The following RYR1 variants were observed in gnomAD, a reference collection of about 807,000 sequenced individuals.
The protein encoded by RYR1 is ryanodine receptor 1, also known as central core disease of muscle.
In RYR1, 342 loss-of-function variants were observed where a neutral mutation model predicts 583.5. That is an observed-to-expected ratio of 0.59 (90% CI 0.54 to 0.64). The LOEUF (loss-of-function observed/expected upper bound fraction) is 0.64. Ranked by LOEUF, RYR1 falls within the 30% of genes least tolerant of loss-of-function variation. The pLI is 0.00. For synonymous variants in RYR1, 2,791 were observed against 2,822.5 expected (o/e 0.99, Z 0.35); for missense variants, 6,032 against 6,917.2 (o/e 0.87, Z 4.54).
chr19:38,447,044 A>C (rs549918753), intron 9 of RYR1, among the ~76,000 whole-genome samples: 1 of 151,894 alleles, frequency 6.6e-6, no homozygotes, highest in Admixed American at 6.6e-5. Context: ...TCTCTGCAAA[A>C]AAAATAAAAT....
chr19:38,528,674 C>T lies in RYR1; in HGVS notation c.11013C>T (p.Asp3671=). The change falls in exon 75 of 106, where the codon GAC becomes GAT. Residue 3671 remains aspartate (D), a synonymous_variant. Transcript: ENST00000359596. ...TGACTGAAGACCACAGTTTTGAGGACCGCATGATAGATGACCTTTCAGTGA... is the reference window on the plus strand; with the variant it reads ...TGACTGAAGACCACAGTTTTGAGGATCGCATGATAGATGACCTTTCAGTGA... ...WILTEDHSFE[D]RMIDDLSKAG... 2 of 1,614,148 alleles carry T rather than the reference C, an allele frequency of 1.2e-6. No individual in the cohort carries two copies. The highest frequency in any genetic ancestry group is 1.6e-4 in the Middle Eastern group (1 of 6,062).
At chr19:38,576,799 CAAAA>C (rs113312442) in intron 97 of RYR1, among the ~76,000 whole-genome samples, 1 of 151,800 alleles carries the variant, frequency 6.6e-6, no homozygotes, top group East Asian at 1.9e-4. Context: ...GACTCCGTCT[CAAAA>C]AAAGAGAGAA....
At chr19:38,581,863 C>T (rs560856959) in intron 101 of RYR1, among the ~76,000 whole-genome samples, 214 of 152,224 alleles carry the variant, frequency 1.4e-3, no homozygotes, top group African/African-American at 5.0e-3. Context: ...CCACCTCGGC[C>T]TCCCAAAGTG....
chr19:38,550,761 T>C (rs1210141239), intron 89 of RYR1, among the ~76,000 whole-genome samples: 2 of 152,146 alleles, frequency 1.3e-5, no homozygotes, highest in Non-Finnish European at 2.9e-5. Context: ...GTTACTGTTA[T>C]TCCCTTTGGA....
intron 94 of RYR1, among the ~76,000 whole-genome samples, chr19:38,571,670 AG>A (rs1455513892): frequency 1.3e-5 from 2 of 152,138 alleles, no homozygotes; most frequent in African/African-American, 4.8e-5. Context: ...AGTGTGTGTA[AG>A]GCAGTTAGAG....
At position 38,527,742 on chromosome 19, in the gene RYR1, C is replaced by T. The variant is rs1971533297; in HGVS notation, c.10782C>T (p.Arg3594=). ...CCGATGACCCCGAGAAAATCGTGCG[C>T]AGAGTCCAGGAAGTGTCAGCCGTGC... is the stretch of plus-strand genomic sequence containing the variant. The part of the protein sequence containing the change: ...EDADDPEKIV[R]RVQEVSAVLY... Residue 3594 remains arginine (R), a synonymous_variant, in exon 73 of 106, where the codon CGC becomes CGT. Transcript: ENST00000359596. 1 of 1,614,010 alleles carries T rather than the reference C, an allele frequency of 6.2e-7. No homozygotes were observed. Among genetic ancestry groups the T allele is most frequent in the Non-Finnish European group, 8.5e-7 (1 of 1,180,012 alleles).
chr19:38,536,800 G>A (rs1236079760), intron 83 of RYR1, 33 bp downstream of exon 83: 1 of 1,611,876 alleles, frequency 6.2e-7, no homozygotes, highest in East Asian at 2.2e-5. Context: ...GTGCTGTGCT[G>A]CTGTCACCCA....
In RYR1 at chr19:38,485,797, C is replaced by T. The variant is rs566584680; in HGVS notation, c.5142C>T (p.Leu1714=). 6.2e-7 allele frequency: 1 copy of T among 1,613,428 alleles called. No homozygotes were observed. The highest frequency in any genetic ancestry group is 2.2e-5 in the East Asian group (1 of 44,874). Residue 1714 remains leucine (L), a synonymous_variant, in exon 34 of 106, where the codon CTC becomes CTT. Transcript: ENST00000359596. ...TGCGCGCAGGCTACTATGACCTCCT[C>T]ATCAGCATCCACCTCGAAAGTGCCT... The part of the protein sequence containing the change: ...GPLRAGYYDL[L]ISIHLESACR...
rs1381548583 is a variant in RYR1, at chr19:38,561,357, A to T, written c.12527A>T (p.Tyr4176Phe). ...AGCATCCTTGAGTACTTCCGCCCCT[A>T]CCTGGGCCGCATCGAGATCATGGGC... ...AESILEYFRP[Y>F]LGRIEIMGAS... Residue 4176 changes from tyrosine to phenylalanine, a missense_variant, in exon 90 of 106, where the codon TAC (tyrosine) becomes TTC (phenylalanine). Around this residue, in one of 11 missense-constraint regions of RYR1, gnomAD observed 753 missense variants for 759.6 expected, o/e 0.99. Transcript: ENST00000359596. The surrounding 1 kb of genome is among the most constrained non-coding windows in gnomAD (Gnocchi z 4.8). 1 of 1,613,738 alleles carries T rather than the reference A, an allele frequency of 6.2e-7. No individual in the cohort carries two copies. Among genetic ancestry groups the T allele is most frequent in the Admixed American group, 1.7e-5 (1 of 59,996 alleles).
intron 66 of RYR1, 76 bp from the exon 67 acceptor site, chr19:38,519,138 G>C (rs1173873255): frequency 3.7e-6 from 6 of 1,610,958 alleles, no homozygotes; most frequent in Non-Finnish European, 5.1e-6. Flanking sequence ...TGCTGTTTGG[G>C]AGTCGGGCTG....
chr19:38,465,946 TA>T, intron 23 of RYR1, 144 bp from the exon 24 acceptor site: 1 of 831,698 alleles, frequency 1.2e-6, no homozygotes, highest in Non-Finnish European at 1.9e-6. Context: ...AAACTTATTC[TA>T]AAATTTCATA....
intron 2 of RYR1, 133 bp downstream of exon 2, chr19:38,440,997 G>T: frequency 1.3e-6 from 1 of 788,368 alleles, no homozygotes; most frequent in Non-Finnish European, 1.8e-6. Context: ...GGGGGCTAAG[G>T]CTAAGAGGGG....
chr19:38,558,963 C>T (rs1973001955), intron 89 of RYR1, among the ~76,000 whole-genome samples: 1 of 151,970 alleles, frequency 6.6e-6, no homozygotes, highest in East Asian at 2.0e-4. Context: ...GTGGCACACG[C>T]CTGTAGTCCC....
chr19:38,529,863 A>G (rs1233248707), intron 76 of RYR1, among the ~76,000 whole-genome samples: 4 of 152,338 alleles, frequency 2.6e-5, no homozygotes, highest in Admixed American at 2.6e-4. Flanking sequence ...CACCAAGCTA[A>G]GCGGGGATAT....
At position 38,552,858 on chromosome 19, in the gene RYR1, CAT is replaced by C. The variant is rs761713731; in HGVS notation, c.12282+4439_12282+4440del. Among the ~76,000 whole-genome samples the C allele has an allele frequency of 6.4e-4, 98 of 152,248 alleles. 1 individual carries two copies. Among genetic ancestry groups the C allele is most frequent in the Admixed American group, 1.1e-3 (17 of 15,276 alleles). On this transcript the variant is annotated intron_variant, in intron 89 of 105. Coordinates refer to ENST00000359596, the MANE Select transcript of RYR1 (RefSeq NM_000540.3). ...AAGCATTTGCAGGAGCTAAAGTACACATGATTCACAATTGAAAATGAGTAATG... is the reference window on the plus strand; with the variant it reads ...AAGCATTTGCAGGAGCTAAAGTACACGATTCACAATTGAAAATGAGTAATG...
At position 38,463,439 on chromosome 19, in the gene RYR1, A is replaced by T. The variant is rs371862065; in HGVS notation, c.2594A>T (p.His865Leu). 3.0e-5 allele frequency: 48 copies of T among 1,613,838 alleles called. No homozygotes were observed. The highest frequency in any genetic ancestry group is 3.9e-5 in the Non-Finnish European group (46 of 1,180,000). Residue 865 changes from histidine to leucine, a missense_variant, in exon 21 of 106, where the codon CAT becomes CTT. This residue lies in a region of RYR1 where 2,627 missense variants were observed against 2,961.3 expected (regional missense o/e 0.89). Coordinates refer to ENST00000359596, the MANE Select transcript of RYR1 (RefSeq NM_000540.3). The part of the protein sequence containing the change: ...VDTVQIVLPP[H>L]LERIREKLAE... ...TGCCTCTAGATTGTCCTGCCGCCCC[A>T]TCTGGAGCGCATTCGGGAGAAGCTG...
At chr19:38,447,667 C>G (rs1231396798) in intron 9 of RYR1, among the ~76,000 whole-genome samples, 1 of 151,810 alleles carries the variant, frequency 6.6e-6, no homozygotes, top group Non-Finnish European at 1.5e-5. Context: ...CATGGTGAAA[C>G]CCCGTCTCCA....
At chr19:38,544,492 G>A (rs1254628238) in intron 87 of RYR1, among the ~76,000 whole-genome samples, 4 of 152,158 alleles carry the variant, frequency 2.6e-5, no homozygotes, top group Non-Finnish European at 1.5e-5. Context: ...ACAAAGGCAC[G>A]ATCTCTGAGA....
rs367813174 is a variant in RYR1 at position 38,536,088 on chromosome 19, G to T, written c.11590+18G>T. ...TGGCACTGGTGAGGCCCTCCCTTGG[G>T]CTTCCCACCCCCTGAGACATCTTCC... On this transcript the variant is annotated intron_variant, in intron 82 of 105. Coordinates refer to ENST00000359596, the MANE Select transcript of RYR1 (RefSeq NM_000540.3). 13 of 1,604,528 alleles carry T rather than the reference G, an allele frequency of 8.1e-6. No homozygotes were observed. The highest frequency in any genetic ancestry group is 1.1e-5 in the Non-Finnish European group (13 of 1,177,222).
Sources: allele counts gnomAD v4.1 joint callset (sites outside exome capture counted in the v4.1 genomes callset), GRCh38; gene constraint gnomAD v4.1.1; regional missense constraint gnomAD v4.1.1; non-coding constraint Gnocchi (gnomAD v3.1); transcripts MANE v1.5; gene names NCBI Gene and HGNC (gene_info 2026-07-23, HGNC 2026-07-21).